Variants in RFX7 observed in about 807,000 individuals in gnomAD.
RFX7 encodes the protein DNA-binding protein RFX7.
A neutral mutation model predicts 111.8 loss-of-function variants in RFX7; 26 were observed. The ratio of observed to expected loss-of-function variants is 0.23; its 90% CI spans 0.17 to 0.32. The LOEUF (loss-of-function observed/expected upper bound fraction) is 0.32. Among genes scored for constraint, RFX7 ranks in the 10% least tolerant of loss-of-function variants. The pLI, the probability that RFX7 is intolerant of heterozygous loss-of-function variation, is 1.00. For synonymous variants in RFX7, 624 were observed against 624.4 expected (o/e 1.00, Z 0.01); for missense variants, 1,573 against 1,772.9 (o/e 0.89, Z 2.02).
At chr15:56,206,390 C>T (rs2043252060) in intron 2 of RFX7, among the ~76,000 whole-genome samples, 1 of 152,114 alleles carries the variant, frequency 6.6e-6, no homozygotes, top group African/African-American at 2.4e-5. Flanking sequence ...AAACCACATA[C>T]ACTGTTAGGG....
intron 5 of RFX7, among the ~76,000 whole-genome samples, chr15:56,131,392 G>A (rs1235439259): frequency 5.6e-5 from 8 of 141,822 alleles, no homozygotes; most frequent in African/African-American, 1.1e-4. Flanking sequence ...TCAGACTCTC[G>A]TATAGCTAGC....
chr15:56,170,844 T>C (rs1337896451), intron 3 of RFX7, among the ~76,000 whole-genome samples: 8 of 152,126 alleles, frequency 5.3e-5, no homozygotes, highest in Admixed American at 5.2e-4. Context: ...GAGTAAATAT[T>C]GTCTTCTATT....
At chr15:56,115,382 C>T (rs996371211) in intron 5 of RFX7, among the ~76,000 whole-genome samples, 2 of 152,122 alleles carry the variant, frequency 1.3e-5, no homozygotes, top group Non-Finnish European at 2.9e-5. Flanking sequence ...TATGAAATAT[C>T]CACAGTACAG....
At chr15:56,134,332 C>A (rs1170862570) in intron 5 of RFX7, among the ~76,000 whole-genome samples, 1 of 152,134 alleles carries the variant, frequency 6.6e-6, no homozygotes, top group Non-Finnish European at 1.5e-5. Flanking sequence ...GCTCTAATCA[C>A]TCTTACTATA....
chr15:56,096,266 G>C lies in RFX7; in HGVS notation c.1462C>G (p.Pro488Ala). 1 of 1,613,978 alleles carries C rather than the reference G, an allele frequency of 6.2e-7. No individual in the cohort carries two copies. Among genetic ancestry groups the C allele is most frequent in the Non-Finnish European group, 8.5e-7 (1 of 1,179,878 alleles). ...CTGACTGAGGCAGAATGTTTAAGAGGGGTGTTACTGTTGCTGGGTGTGAGG... is the reference window on the plus strand; with the variant it reads ...CTGACTGAGGCAGAATGTTTAAGAGCGGTGTTACTGTTGCTGGGTGTGAGG... ...ISLTPSNSNT[P>A]LKHSASVSSA... The change falls in exon 10 of 10, where the codon CCT becomes GCT. Residue 488 changes from proline to alanine, a missense_variant. Coordinates refer to ENST00000559447, the MANE Select transcript of RFX7 (RefSeq NM_022841.7).
intron 3 of RFX7, among the ~76,000 whole-genome samples, chr15:56,170,682 T>G (rs866555237): frequency 6.6e-6 from 1 of 152,144 alleles, no homozygotes; most frequent in Non-Finnish European, 1.5e-5. Flanking sequence ...TAAACAAAAT[T>G]AAAAGTTCAA....
intron 2 of RFX7, among the ~76,000 whole-genome samples, chr15:56,223,808 G>T (rs945557611): frequency 5.3e-5 from 8 of 151,924 alleles, no homozygotes; most frequent in South Asian, 2.1e-4. Flanking sequence ...GTTTTGTTTT[G>T]TTTTTTCCCC....
chr15:56,110,054 C>T (rs1447199294), intron 5 of RFX7, among the ~76,000 whole-genome samples: 1 of 121,844 alleles, frequency 8.2e-6, no homozygotes, highest in Non-Finnish European at 1.8e-5. Context: ...ATGAGGAGCC[C>T]CTCTGCCCAG....
intron 2 of RFX7, among the ~76,000 whole-genome samples, chr15:56,231,883 T>C (rs1299392672): frequency 3.3e-5 from 5 of 152,172 alleles, no homozygotes; most frequent in African/African-American, 1.2e-4. Context: ...ACGAAGGAGC[T>C]AAAGGCCCCA....
rs2041643967 is a variant in RFX7 at position 56,094,517 on chromosome 15, C to T, written c.3211G>A (p.Gly1071Arg). The part of the protein sequence containing the change: ...KLEWMNNGYS[G>R]VGNSSVSGHG... ...CCAGAAACTGATGAATTACCAACCC[C>T]ACTATACCCATTATTCATCCATTCA... The change falls in exon 10 of 10, where the codon GGG (glycine) becomes AGG (arginine). Residue 1071 changes from glycine to arginine, a missense_variant. This residue lies in a region of RFX7 where 411 missense variants were observed against 478.1 expected (regional missense o/e 0.86). Transcript: ENST00000559447. The T allele has an allele frequency of 6.2e-7, 1 of 1,613,902 alleles. No individual in the cohort carries two copies. Among genetic ancestry groups the T allele is most frequent in the Non-Finnish European group, 8.5e-7 (1 of 1,179,860 alleles).
At chr15:56,240,569 A>G (rs1410901026) in intron 2 of RFX7, among the ~76,000 whole-genome samples, 1 of 152,152 alleles carries the variant, frequency 6.6e-6, no homozygotes, top group African/African-American at 2.4e-5. Context: ...TACTATATTT[A>G]TATTTGTAGA....
intron 3 of RFX7, among the ~76,000 whole-genome samples, chr15:56,148,224 C>T (rs1452496145): frequency 6.6e-6 from 1 of 152,118 alleles, no homozygotes; most frequent in Middle Eastern, 3.2e-3. Flanking sequence ...TTCCAGGAAA[C>T]AATTTTGGAG....
chr15:56,167,456 G>C (rs2042796601), intron 3 of RFX7, among the ~76,000 whole-genome samples: 1 of 152,102 alleles, frequency 6.6e-6, no homozygotes, highest in African/African-American at 2.4e-5. Context: ...ATAATGCTCT[G>C]GTGTTGGATA....
chr15:56,102,292 G>T (rs1280359207), intron 6 of RFX7, 39 bp from the exon 7 acceptor site: 4 of 1,275,200 alleles, frequency 3.1e-6, no homozygotes, highest in African/African-American at 1.5e-5. Flanking sequence ...AAAATTAAAT[G>T]AATTGCTTAT....
rs759098367 is a variant in RFX7, at chr15:56,122,501, G to T, written c.402-18831C>A. Among the ~76,000 whole-genome samples the T allele has an allele frequency of 5.9e-4, 90 of 152,140 alleles. 1 individual carries two copies. Among genetic ancestry groups the T allele is most frequent in the Admixed American group, 2.0e-4 (3 of 15,284 alleles). On this transcript the variant is annotated intron_variant, in intron 5 of 9. Transcript: ENST00000559447. ...AGACCTGAAACAAGCATAGCACTGG[G>T]TATTGCCCAAGGCTCACTGTTACCA...
At chr15:56,147,364 T>G (rs1221566834) in intron 3 of RFX7, among the ~76,000 whole-genome samples, 3 of 152,142 alleles carry the variant, frequency 2.0e-5, no homozygotes, top group African/African-American at 4.8e-5. Flanking sequence ...CTGTTTATAT[T>G]AAATATCCAA....
chr15:56,231,622 A>C (rs1466154677), intron 2 of RFX7, among the ~76,000 whole-genome samples: 1 of 151,936 alleles, frequency 6.6e-6, no homozygotes, highest in Non-Finnish European at 1.5e-5. Flanking sequence ...AAACCATTTC[A>C]TTCCACCCTG....
At chr15:56,153,129 G>A (rs1398331690) in intron 3 of RFX7, among the ~76,000 whole-genome samples, 1 of 152,124 alleles carries the variant, frequency 6.6e-6, no homozygotes, top group African/African-American at 2.4e-5. Flanking sequence ...TCTACCAGAG[G>A]TACAAAGAGG....
chr15:56,115,864 C>G (rs1268881463), intron 5 of RFX7, among the ~76,000 whole-genome samples: 1 of 151,810 alleles, frequency 6.6e-6, no homozygotes, highest in Non-Finnish European at 1.5e-5. Flanking sequence ...ATGGTGTGAA[C>G]CTGGGAGGCA....
Sources: allele counts gnomAD v4.1 joint callset (sites outside exome capture counted in the v4.1 genomes callset), GRCh38; gene constraint gnomAD v4.1.1; regional missense constraint gnomAD v4.1.1; transcripts MANE v1.5; gene names NCBI Gene and HGNC (gene_info 2026-07-23, HGNC 2026-07-21).